PAK5: variants seen among roughly 807,000 people sequenced by gnomAD.
The protein encoded by PAK5 is serine/threonine-protein kinase PAK 5.
PAK5 carries 16 observed loss-of-function variants against 65.9 expected under a neutral mutation model. The ratio of observed to expected loss-of-function variants is 0.24; its 90% CI spans 0.16 to 0.37. The LOEUF is 0.37. Among genes scored for constraint, PAK5 ranks in the 10% least tolerant of loss-of-function variants. PAK5 has a pLI of 1.00. For missense variants in PAK5, 785 were observed against 903.9 expected, an observed-to-expected ratio of 0.87 and a Z score of 1.69; for synonymous variants, 371 against 354.9, an observed-to-expected ratio of 1.05 and a Z score of -0.51.
intron 3 of PAK5, among the ~76,000 whole-genome samples, chr20:9,611,607 C>T (rs1482518221): frequency 6.6e-6 from 1 of 152,222 alleles, no homozygotes; most frequent in Non-Finnish European, 1.5e-5. Context: ...CCACGGAGTT[C>T]TCCCGTGTAT....
chr20:9,544,784 T>C (rs1443535025), intron 7 of PAK5, among the ~76,000 whole-genome samples: 2 of 152,170 alleles, frequency 1.3e-5, no homozygotes, highest in African/African-American at 2.4e-5. Flanking sequence ...ACAAATTAAA[T>C]ACACCACAAA....
chr20:9,779,826 A>T (rs900532539), intron 1 of PAK5, among the ~76,000 whole-genome samples: 1 of 152,106 alleles, frequency 6.6e-6, no homozygotes, highest in Non-Finnish European at 1.5e-5. Flanking sequence ...CAAATATATT[A>T]ATGCAACTTA....
At chr20:9,809,001 A>G (rs2049265690) in intron 1 of PAK5, among the ~76,000 whole-genome samples, 1 of 152,168 alleles carries the variant, frequency 6.6e-6, no homozygotes, top group Non-Finnish European at 1.5e-5. Flanking sequence ...GCTATTTGTT[A>G]CACTGGGTGG....
rs370816691 is a variant in PAK5, at chr20:9,726,871, T to C, written c.-161-15436A>G. Reference sequence around the variant, plus strand: ...AGCGACCAAAAAGGATGATCAACTATGTATGCTAGACACCAAAGAGGTGTG... The same window carrying C: ...AGCGACCAAAAAGGATGATCAACTACGTATGCTAGACACCAAAGAGGTGTG... On this transcript the variant is annotated intron_variant, in intron 1 of 9. Transcript: ENST00000353224. Among the ~76,000 whole-genome samples, 18 of 152,236 alleles carry C rather than the reference T, an allele frequency of 1.2e-4. No individual in the cohort carries two copies. In the East Asian group the frequency reaches 3.5e-3, roughly 29 times the overall value.
rs1248761052 is a variant in PAK5, at chr20:9,537,622, T to C, written c.*1840A>G. The C allele has an allele frequency of 4.6e-6, 1 of 216,272 alleles. No individual in the cohort carries two copies. The highest frequency in any genetic ancestry group is 2.3e-5 in the African/African-American group (1 of 44,286). 13.4% of individuals were successfully genotyped at this position (216,272 alleles called of 1,614,324 possible). On this transcript the variant is annotated 3_prime_UTR_variant, in exon 10 of 10. Transcript: ENST00000353224. ...GTTTATTCTGGTTTAAAAAAGATTT[T>C]CTTTTTCTTTTCTTTCTACTTCTAC...
At chr20:9,669,105 A>G (rs1423986508) in intron 2 of PAK5, among the ~76,000 whole-genome samples, 1 of 152,252 alleles carries the variant, frequency 6.6e-6, no homozygotes, top group Admixed American at 6.5e-5. Context: ...TCATAATTAC[A>G]CATGCTGTAA....
chr20:9,764,111 C>A (rs935596970), intron 1 of PAK5, among the ~76,000 whole-genome samples: 1 of 152,120 alleles, frequency 6.6e-6, no homozygotes, highest in Admixed American at 6.6e-5. Context: ...TTTATAGTTT[C>A]ATTTTCCAGG....
chr20:9,554,885 C>A (rs187421447), intron 7 of PAK5, among the ~76,000 whole-genome samples: 1 of 152,256 alleles, frequency 6.6e-6, no homozygotes, highest in East Asian at 1.9e-4. Flanking sequence ...CTGTTTCTGG[C>A]AGCCACAGGG....
At chr20:9,739,279 G>A (rs765571873) in intron 1 of PAK5, among the ~76,000 whole-genome samples, 3 of 146,612 alleles carry the variant, frequency 2.0e-5, no homozygotes, top group Non-Finnish European at 4.5e-5. Context: ...AGTGCTCACT[G>A]ACTTCTCTAC....
chr20:9,768,870 A>G (rs6141031), intron 1 of PAK5, among the ~76,000 whole-genome samples: 19,907 of 149,930 alleles, frequency 0.13, 1,574 homozygotes, highest in South Asian at 0.23. Flanking sequence ...AACTTAAACA[A>G]GAAGGGAGGG....
chr20:9,705,674 G>A (rs2047997661), intron 2 of PAK5, among the ~76,000 whole-genome samples: 1 of 151,952 alleles, frequency 6.6e-6, no homozygotes, highest in African/African-American at 2.4e-5. Context: ...TATATCCTAG[G>A]AATCCACTTC....
chr20:9,637,544 G>T (rs1408722771), intron 3 of PAK5, among the ~76,000 whole-genome samples: 1 of 151,748 alleles, frequency 6.6e-6, no homozygotes, highest in Non-Finnish European at 1.5e-5. Context: ...GAACACAGAT[G>T]TCCATGACAA....
At chr20:9,604,197 C>A (rs1243268807) in intron 3 of PAK5, among the ~76,000 whole-genome samples, 1 of 152,216 alleles carries the variant, frequency 6.6e-6, no homozygotes, top group East Asian at 1.9e-4. Context: ...AGCCCCTGGG[C>A]TCTTCTGTGG....
chr20:9,564,814 C>T (rs539738211), intron 5 of PAK5, among the ~76,000 whole-genome samples: 68 of 151,804 alleles, frequency 4.5e-4, no homozygotes, highest in African/African-American at 7.5e-4. Context: ...TACATGTATA[C>T]GATAAAAGAT....
At chr20:9,633,968 G>A (rs1889078205) in intron 3 of PAK5, among the ~76,000 whole-genome samples, 1 of 152,190 alleles carries the variant, frequency 6.6e-6, no homozygotes, top group Non-Finnish European at 1.5e-5. Flanking sequence ...AATCTTTCAA[G>A]TTCCAAGCAT....
intron 1 of PAK5, among the ~76,000 whole-genome samples, chr20:9,771,005 G>GT (rs973966556): frequency 3.3e-5 from 5 of 152,102 alleles, no homozygotes; most frequent in African/African-American, 1.2e-4. Context: ...GGGTATAAAC[G>GT]TAAGAGAACA....
chr20:9,672,847 T>G (rs2047519064), intron 2 of PAK5, among the ~76,000 whole-genome samples: 1 of 152,184 alleles, frequency 6.6e-6, no homozygotes, highest in Non-Finnish European at 1.5e-5. Context: ...AGATGGCTCT[T>G]GAACAGTAGT....
At chr20:9,787,497 T>G (rs2032743584) in intron 1 of PAK5, among the ~76,000 whole-genome samples, 1 of 152,142 alleles carries the variant, frequency 6.6e-6, no homozygotes, top group South Asian at 2.1e-4. Context: ...TTATTTTATA[T>G]TTTTAGAGTA....
At chr20:9,669,849 G>C (rs577845828) in intron 2 of PAK5, among the ~76,000 whole-genome samples, 7 of 152,072 alleles carry the variant, frequency 4.6e-5, no homozygotes, top group Admixed American at 2.6e-4. Context: ...GTATACATGT[G>C]CCATGTTGGT....
Sources: allele counts gnomAD v4.1 joint callset (sites outside exome capture counted in the v4.1 genomes callset), GRCh38; gene constraint gnomAD v4.1.1; transcripts MANE v1.5; gene names NCBI Gene and HGNC (gene_info 2026-07-23, HGNC 2026-07-21).